Variants in CPHXL2 observed in about 807,000 individuals in gnomAD.
The protein encoded by CPHXL2 is cytoplasmic polyadenylated homeobox like 2, also known as cytoplasmic polyadenylated homeobox-like protein 2.
At chr16:75,668,115 A>G in the CPHXL2 span, among the ~76,000 whole-genome samples, 1 of 152,132 alleles carries the variant, frequency 6.6e-6, no homozygotes, top group South Asian at 2.1e-4. Flanking sequence ...AGTTTTCACA[A>G]TACATACCCA....
At chr16:75,670,135 T>C in the CPHXL2 span, among the ~76,000 whole-genome samples, 1 of 152,160 alleles carries the variant, frequency 6.6e-6, no homozygotes, top group Admixed American at 6.5e-5. Context: ...AGGCTGGTCT[T>C]GAACTCCTGA....
At chr16:75,666,048 T>C in the CPHXL2 span, among the ~76,000 whole-genome samples, 1 of 152,072 alleles carries the variant, frequency 6.6e-6, no homozygotes, top group Non-Finnish European at 1.5e-5. Flanking sequence ...TCACCTAACA[T>C]GTAAGAACTC....
the CPHXL2 span, chr16:75,660,228 G>T: frequency 5.0e-6 from 2 of 398,190 alleles, no homozygotes; most frequent in South Asian, 2.6e-4. Context: ...CTGTGGGCTT[G>T]ACCTGTGGCT....
At chr16:75,667,312 CAAA>C in the CPHXL2 span, among the ~76,000 whole-genome samples, 2 of 77,724 alleles carry the variant, frequency 2.6e-5, no homozygotes, top group African/African-American at 3.8e-5. Flanking sequence ...ACTCCATTTC[CAAA>C]AAAAAAAAAA....
the CPHXL2 span, among the ~76,000 whole-genome samples, chr16:75,671,343 T>C: frequency 9.0e-5 from 12 of 132,898 alleles, no homozygotes; most frequent in African/African-American, 3.5e-4. Flanking sequence ...GCCTGAGTGA[T>C]AGAGTAAGAC....
the CPHXL2 span, among the ~76,000 whole-genome samples, chr16:75,667,334 G>GA: frequency 6.8e-6 from 1 of 146,522 alleles, no homozygotes; most frequent in Non-Finnish European, 1.5e-5. Context: ...AAAAAAATTA[G>GA]AAAAAAATTA....
At chr16:75,668,918 T>C in the CPHXL2 span, among the ~76,000 whole-genome samples, 7 of 152,300 alleles carry the variant, frequency 4.6e-5, no homozygotes, top group East Asian at 5.8e-4. Context: ...ATTAATTGTA[T>C]AGATGTATAT....
chr16:75,660,505 C>A, the CPHXL2 span: 1 of 398,562 alleles, frequency 2.5e-6, no homozygotes, highest in African/African-American at 2.1e-5. Flanking sequence ...CACTGCTTCT[C>A]TAGATCCCAA....
the CPHXL2 span, among the ~76,000 whole-genome samples, chr16:75,674,205 C>G: frequency 6.6e-6 from 1 of 150,778 alleles, no homozygotes; most frequent in Admixed American, 6.6e-5. Flanking sequence ...AACCCCATCT[C>G]TACTAAAAAT....
the CPHXL2 span, among the ~76,000 whole-genome samples, chr16:75,662,330 CTTT>C: frequency 7.0e-6 from 1 of 143,140 alleles, no homozygotes; most frequent in Non-Finnish European, 1.5e-5. Flanking sequence ...CTTTTTCTTT[CTTT>C]TCTTTTTTTT....
chr16:75,664,841 G>A, the CPHXL2 span, among the ~76,000 whole-genome samples: 4 of 152,048 alleles, frequency 2.6e-5, 1 homozygote, highest in Middle Eastern at 6.3e-3. Flanking sequence ...CCCTGAGCTA[G>A]TACCCTCAGC....
chr16:75,675,408 C>G, the CPHXL2 span, among the ~76,000 whole-genome samples: 3 of 151,612 alleles, frequency 2.0e-5, no homozygotes, highest in African/African-American at 7.3e-5. Flanking sequence ...AGAAATAAGC[C>G]CTCACATTTC....
At chr16:75,669,966 G>A in the CPHXL2 span, among the ~76,000 whole-genome samples, 1 of 152,188 alleles carries the variant, frequency 6.6e-6, no homozygotes, top group Admixed American at 6.5e-5. Flanking sequence ...CCCGGCTGGA[G>A]TGCAGTGGTG....
the CPHXL2 span, among the ~76,000 whole-genome samples, chr16:75,673,747 C>G: frequency 1.3e-5 from 2 of 150,754 alleles, no homozygotes; most frequent in Admixed American, 1.3e-4. Flanking sequence ...GGAGGCCAAG[C>G]GGGGGCGAAT....
At chr16:75,672,379 G>A in the CPHXL2 span, among the ~76,000 whole-genome samples, 11 of 151,998 alleles carry the variant, frequency 7.2e-5, no homozygotes, top group Non-Finnish European at 2.9e-5. Flanking sequence ...ATTGAACCAG[G>A]GCATTCACTG....
chr16:75,668,030 C>T, the CPHXL2 span, among the ~76,000 whole-genome samples: 12 of 152,104 alleles, frequency 7.9e-5, no homozygotes, highest in African/African-American at 2.9e-4. Flanking sequence ...CAAGCTGGCC[C>T]AAACCACCGT....
At chr16:75,663,679 T>C in the CPHXL2 span, among the ~76,000 whole-genome samples, 2 of 151,952 alleles carry the variant, frequency 1.3e-5, no homozygotes, top group Non-Finnish European at 2.9e-5. Context: ...GTCAGGAGAT[T>C]GAGACCATAC....
At chr16:75,676,213 G>A in the CPHXL2 span, among the ~76,000 whole-genome samples, 2 of 152,134 alleles carry the variant, frequency 1.3e-5, no homozygotes, top group Non-Finnish European at 2.9e-5. Context: ...CAAAGAAAGA[G>A]TGACAAAGCT....
the CPHXL2 span, among the ~76,000 whole-genome samples, chr16:75,666,378 T>C: frequency 1.3e-5 from 2 of 151,984 alleles, no homozygotes; most frequent in African/African-American, 2.4e-5. Flanking sequence ...CCCAGCACTT[T>C]AGAGGCTGAG....
Sources: gnomAD v4.1 joint callset for allele counts (sites outside exome capture counted in the v4.1 genomes callset) on GRCh38, gnomAD v4.1.1 for gene constraint, MANE v1.5 for transcripts, NCBI Gene and HGNC (gene_info 2026-07-23, HGNC 2026-07-21) for gene names.